Variants in FBXO25 observed in about 807,000 individuals in gnomAD.
FBXO25 encodes F-box only protein 25.
A neutral mutation model predicts 51.9 loss-of-function variants in FBXO25; 45 were observed. The observed-to-expected ratio is 0.87, with a 90% CI of 0.68 to 1.11. The LOEUF (loss-of-function observed/expected upper bound fraction) is 1.11, where lower values mean the gene tolerates loss of function less well. FBXO25 is among the 50% of genes most tolerant of loss of function. The pLI is 0.00. For synonymous variants in FBXO25, 199 were observed against 151.0 expected, an observed-to-expected ratio of 1.32 and a Z score of -2.33; for missense variants, 507 against 428.5, an observed-to-expected ratio of 1.18 and a Z score of -1.62.
chr8:416,732 G>C (rs541939914), intron 2 of FBXO25, among the ~76,000 whole-genome samples: 1 of 152,268 alleles, frequency 6.6e-6, no homozygotes, highest in Admixed American at 6.5e-5. Flanking sequence ...TACACATACT[G>C]TTACACCTGT....
In FBXO25 at chr8:413,195, G is replaced by T. The variant is rs1796591037; in HGVS notation, c.116G>T (p.Cys39Phe). 1 of 1,598,566 alleles carries T rather than the reference G, an allele frequency of 6.3e-7. No individual in the cohort carries two copies. Among genetic ancestry groups the T allele is most frequent in the African/African-American group, 1.4e-5 (1 of 73,454 alleles). Residue 39 changes from cysteine to phenylalanine, a missense_variant, in exon 2 of 10, where the codon TGT becomes TTT. Cys to Phe is a radical substitution (Grantham distance 205). Transcript: ENST00000350302. ...SQKLERENNRCNISHSIILNS... is the reference protein window; with the variant it reads ...SQKLERENNRFNISHSIILNS... ...AAACTTGAAAGAGAGAATAACCGTT[G>T]TAACATCAGTCACAGCATGTAAGTT...
rs757921735 is a variant in FBXO25, at chr8:413,093, G to C, written c.14G>C (p.Gly5Ala). 5.1e-6 allele frequency: 8 copies of C among 1,558,164 alleles called. No individual in the cohort carries two copies. In the South Asian group the frequency reaches 8.8e-5, roughly 17 times the overall value. Residue 5 changes from glycine (G) to alanine (A), a missense_variant, in exon 2 of 10, where the codon GGT becomes GCT. Transcript: ENST00000350302. Reference sequence around the variant, plus strand: ...CATAGGAGAACTATGCCATTTTTGGGTCAGGACTGGAGATCTCCTGGATGG... The same window carrying C: ...CATAGGAGAACTATGCCATTTTTGGCTCAGGACTGGAGATCTCCTGGATGG... MPFLGQDWRSPGWSW... is the reference protein window; with the variant it reads MPFLAQDWRSPGWSW...
At position 476,541 on chromosome 8, in the gene FBXO25, G is replaced by C. The variant is rs961611321; in HGVS notation, c.*7737G>C. The C allele has an allele frequency of 2.0e-5, 3 of 152,126 alleles. No individual in the cohort carries two copies. The highest frequency in any genetic ancestry group is 4.8e-5 in the African/African-American group (2 of 41,422). 9.4% of individuals were successfully genotyped at this position (152,126 alleles called of 1,614,324 possible). Reference sequence around the variant, plus strand: ...TACTTCATGCTCTTGACTAGCATAGGTCTGTTCAGATTTTCCATTTCTTCA... The same window carrying C: ...TACTTCATGCTCTTGACTAGCATAGCTCTGTTCAGATTTTCCATTTCTTCA... On this transcript the variant is annotated 3_prime_UTR_variant, in exon 10 of 10. Coordinates refer to ENST00000350302, the MANE Select transcript of FBXO25 (RefSeq NM_183420.2).
chr8:424,002 G>A (rs1397476652), intron 2 of FBXO25, among the ~76,000 whole-genome samples: 1 of 152,102 alleles, frequency 6.6e-6, no homozygotes, highest in Non-Finnish European at 1.5e-5. Context: ...GTGTCAGATG[G>A]TATCTCATTG....
At chr8:440,856 TGTTA>T (rs1283364804) in intron 5 of FBXO25, among the ~76,000 whole-genome samples, 2 of 144,984 alleles carry the variant, frequency 1.4e-5, no homozygotes. Flanking sequence ...TCTGTTCTCG[TGTTA>T]GTTTGCTGAG....
intron 5 of FBXO25, among the ~76,000 whole-genome samples, chr8:438,108 G>T (rs1177955969): frequency 2.0e-5 from 3 of 151,378 alleles, no homozygotes; most frequent in African/African-American, 4.9e-5. Flanking sequence ...AGGGTGGAGT[G>T]CAGTGGCACG....
chr8:459,114 C>T (rs763166175), intron 8 of FBXO25, among the ~76,000 whole-genome samples: 38 of 152,338 alleles, frequency 2.5e-4, no homozygotes, highest in Non-Finnish European at 3.4e-4. Context: ...CCTGTGGTCC[C>T]TGTTCCTGGG....
At chr8:447,014 C>T (rs1463043854) in intron 5 of FBXO25, among the ~76,000 whole-genome samples, 1 of 152,152 alleles carries the variant, frequency 6.6e-6, no homozygotes, top group African/African-American at 2.4e-5. Context: ...AGCAGCTAAG[C>T]CTGGGCAGTG....
chr8:423,424 G>GT (rs1008597752), intron 2 of FBXO25, among the ~76,000 whole-genome samples: 7 of 151,944 alleles, frequency 4.6e-5, no homozygotes, highest in Non-Finnish European at 5.9e-5. Context: ...CCAATAGGTA[G>GT]TTTTTTTTAA....
chr8:407,832 A>AT (rs950758737), intron 1 of FBXO25, among the ~76,000 whole-genome samples: 2 of 151,758 alleles, frequency 1.3e-5, no homozygotes, highest in African/African-American at 4.8e-5. Flanking sequence ...GCAGACACTA[A>AT]TTTTGCATCC....
At chr8:431,850 C>G (rs1163840715) in intron 3 of FBXO25, among the ~76,000 whole-genome samples, 2 of 152,056 alleles carry the variant, frequency 1.3e-5, no homozygotes, top group Non-Finnish European at 2.9e-5. Flanking sequence ...GGAGGTGGGA[C>G]CTATCTATGT....
chr8:408,817 T>C (rs1796321256), intron 1 of FBXO25, among the ~76,000 whole-genome samples: 1 of 152,258 alleles, frequency 6.6e-6, no homozygotes, highest in Non-Finnish European at 1.5e-5. Context: ...TTAATCATTG[T>C]AGGCTGTCTG....
intron 7 of FBXO25, among the ~76,000 whole-genome samples, chr8:456,438 G>A (rs1020383305): frequency 6.6e-6 from 1 of 152,166 alleles, no homozygotes; most frequent in African/African-American, 2.4e-5. Flanking sequence ...GATGGGCTAA[G>A]ACTTGAATCA....
intron 2 of FBXO25, among the ~76,000 whole-genome samples, chr8:413,759 G>C (rs1435019229): frequency 2.0e-5 from 3 of 152,222 alleles, no homozygotes; most frequent in Non-Finnish European, 4.4e-5. Flanking sequence ...GACACGACCT[G>C]TGTTTCAGTG....
rs145775965 is a variant in FBXO25, at chr8:451,350, G to T, written c.557G>T (p.Gly186Val). 3 of 1,613,972 alleles carry T rather than the reference G, an allele frequency of 1.9e-6. No individual in the cohort carries two copies. In the South Asian group the frequency reaches 3.3e-5, roughly 18 times the overall value. ...LSSTLCILIR[G>V]VGKSVLVGNI... ...TCTACCCTCTGCATTCTTATTAGAG[G>T]AGTAGGGAAGTCTGTATTAGTGGGA... Residue 186 changes from glycine to valine, a missense_variant, in exon 7 of 10, where the codon GGA (glycine) becomes GTA (valine). Transcript: ENST00000350302.
intron 1 of FBXO25, among the ~76,000 whole-genome samples, chr8:408,233 G>GT (rs1796281378): frequency 6.6e-6 from 1 of 151,894 alleles, no homozygotes; most frequent in Non-Finnish European, 1.5e-5. Flanking sequence ...ATGGATTGGA[G>GT]TTTTCTTTCC....
intron 9 of FBXO25, chr8:468,329 G>C (rs1800324859): frequency 1.0e-6 from 1 of 982,202 alleles, no homozygotes; most frequent in African/African-American, 1.7e-5. Context: ...AGTGAGCCAG[G>C]AACAGGAGGA....
At chr8:410,853 G>A (rs531488708) in intron 1 of FBXO25, among the ~76,000 whole-genome samples, 2 of 152,294 alleles carry the variant, frequency 1.3e-5, no homozygotes, top group East Asian at 1.9e-4. Flanking sequence ...GTTTAGCAAG[G>A]TTTGAGATTT....
chr8:450,391 C>A lies in FBXO25; in HGVS notation c.475+308C>A, dbSNP rs17665479. ...CACAGTTCATTTTAGATGTATGCTT[C>A]CAAAATTAGCAGGATTGTGACTTAC... On this transcript the variant is annotated intron_variant, in intron 6 of 9. Transcript: ENST00000350302. 8.6e-3 allele frequency among the ~76,000 whole-genome samples: 1,305 copies of A among 152,254 alleles called. 6 individuals carry two copies. Among genetic ancestry groups the A allele is most frequent in the Non-Finnish European group, 0.015 (1,016 of 68,018 alleles).
Sources: gnomAD v4.1 joint callset for allele counts (sites outside exome capture counted in the v4.1 genomes callset) on GRCh38, gnomAD v4.1.1 for gene constraint, MANE v1.5 for transcripts, NCBI Gene and HGNC (gene_info 2026-07-23, HGNC 2026-07-21) for gene names.